The following SLC25A21 variants were observed in gnomAD, a reference collection of about 807,000 sequenced individuals.
SLC25A21 encodes the protein solute carrier family 25 member 21, also known as mitochondrial 2-oxodicarboxylate carrier.
SLC25A21 carries 47 observed loss-of-function variants against 43.8 expected under a neutral mutation model. The ratio of observed to expected loss-of-function variants is 1.07; its 90% CI spans 0.85 to 1.37. SLC25A21 has a LOEUF of 1.37. Ranked by LOEUF, SLC25A21 falls within the 40% of genes most tolerant of loss-of-function variation. The pLI is 0.00. For missense variants in SLC25A21, 352 were observed against 350.2 expected, an observed-to-expected ratio of 1.00 and a Z score of -0.04; for synonymous variants, 131 against 121.3, an observed-to-expected ratio of 1.08 and a Z score of -0.52.
chr14:36,849,380 G>C (rs1346207437), intron 2 of SLC25A21, among the ~76,000 whole-genome samples: 1 of 152,128 alleles, frequency 6.6e-6, no homozygotes, highest in African/African-American at 2.4e-5. Context: ...ATGACACCCT[G>C]ATTCAACAAA....
chr14:36,683,911 T>A, intron 8 of SLC25A21, 31 bp from the exon 9 acceptor site: 5 of 1,555,882 alleles, frequency 3.2e-6, no homozygotes, highest in Non-Finnish European at 4.4e-6. Flanking sequence ...GAAACGTTCT[T>A]ATTCTGAAAA....
chr14:36,925,744 G>A (rs1892114062), intron 1 of SLC25A21, among the ~76,000 whole-genome samples: 1 of 152,150 alleles, frequency 6.6e-6, no homozygotes, highest in Admixed American at 6.5e-5. Flanking sequence ...CTACAAGGGA[G>A]GCTGAGGCAG....
At chr14:37,079,119 C>CG (rs1962337866) in intron 1 of SLC25A21, among the ~76,000 whole-genome samples, 2 of 152,194 alleles carry the variant, frequency 1.3e-5, no homozygotes, top group Non-Finnish European at 2.9e-5. Context: ...AGGGCCCCAT[C>CG]ATAGGCCCTC....
intron 2 of SLC25A21, among the ~76,000 whole-genome samples, chr14:36,831,951 C>A (rs1889054551): frequency 1.3e-5 from 2 of 152,318 alleles, no homozygotes; most frequent in South Asian, 4.1e-4. Flanking sequence ...TCAGTGTAGT[C>A]TGTTCCAAGT....
At chr14:36,867,570 T>A (rs1404865107) in intron 2 of SLC25A21, among the ~76,000 whole-genome samples, 1 of 152,136 alleles carries the variant, frequency 6.6e-6, no homozygotes, top group Non-Finnish European at 1.5e-5. Context: ...CCCAGAAGGA[T>A]GCTCTACTTG....
rs780961992 is a variant in SLC25A21, at chr14:37,128,536, C to CTGTGTGTGTG, written c.70+43744_70+43745insCACACACACA. On this transcript the variant is annotated intron_variant, in intron 1 of 9. Coordinates refer to ENST00000331299, the MANE Select transcript of SLC25A21 (RefSeq NM_030631.4). ...TTACTTTCTGTCTCTCTCTCTCTCT[C>CTGTGTGTGTG]TCTGTGTGTGTGTGTGTGTGTGTGT... 3.5e-3 allele frequency among the ~76,000 whole-genome samples: 306 copies of CTGTGTGTGTG among 86,972 alleles called. 3 individuals are homozygous for CTGTGTGTGTG. The highest frequency in any genetic ancestry group is 0.012 in the African/African-American group (253 of 21,210). 57.1% of individuals were successfully genotyped at this position (86,972 alleles called of 152,430 possible). A position where few individuals can be genotyped will look rare whatever the true frequency, so the allele number is the denominator to read the frequency against.
At chr14:36,750,327 G>A (rs139275372) in intron 3 of SLC25A21, among the ~76,000 whole-genome samples, 37 of 152,276 alleles carry the variant, frequency 2.4e-4, no homozygotes, top group African/African-American at 8.2e-4. Flanking sequence ...CTTCCTAGGA[G>A]TTCTTATCCC....
At chr14:36,745,356 C>T (rs1885450945) in intron 3 of SLC25A21, among the ~76,000 whole-genome samples, 1 of 152,046 alleles carries the variant, frequency 6.6e-6, no homozygotes, top group African/African-American at 2.4e-5. Context: ...TGGGTATATA[C>T]CTAGGAATGG....
At chr14:37,014,504 T>A (rs1054226687) in intron 1 of SLC25A21, among the ~76,000 whole-genome samples, 1 of 152,064 alleles carries the variant, frequency 6.6e-6, no homozygotes, top group Non-Finnish European at 1.5e-5. Context: ...CACTTCTAAT[T>A]CTCGTTCTCT....
At chr14:36,722,767 T>A (rs1478538407) in intron 6 of SLC25A21, among the ~76,000 whole-genome samples, 1 of 152,202 alleles carries the variant, frequency 6.6e-6, no homozygotes, top group African/African-American at 2.4e-5. Context: ...TATACACACA[T>A]ATTTAAGAAA....
intron 1 of SLC25A21, among the ~76,000 whole-genome samples, chr14:36,952,558 C>T (rs549913869): frequency 2.0e-5 from 3 of 152,154 alleles, no homozygotes; most frequent in African/African-American, 2.4e-5. Flanking sequence ...GTAGGAGTCT[C>T]ATCCTGAGCA....
intron 1 of SLC25A21, among the ~76,000 whole-genome samples, chr14:37,019,721 TAAAA>T (rs1960943209): frequency 6.6e-6 from 1 of 151,618 alleles, no homozygotes; most frequent in Non-Finnish European, 1.5e-5. Context: ...ATTTGGGGCC[TAAAA>T]AGGGAAGTGA....
intron 7 of SLC25A21, among the ~76,000 whole-genome samples, chr14:36,700,441 C>T (rs1883229095): frequency 6.6e-6 from 1 of 152,192 alleles, no homozygotes; most frequent in South Asian, 2.1e-4. Context: ...AGATGGGCTG[C>T]TCAGAGGACT....
At chr14:37,120,958 C>T (rs1276274569) in intron 1 of SLC25A21, among the ~76,000 whole-genome samples, 1 of 152,122 alleles carries the variant, frequency 6.6e-6, no homozygotes, top group Non-Finnish European at 1.5e-5. Context: ...ATGCTATAAA[C>T]GTGAGACCAC....
chr14:37,103,185 G>A (rs10143714), intron 1 of SLC25A21, among the ~76,000 whole-genome samples: 1,875 of 152,110 alleles, frequency 0.012, 38 homozygotes, highest in African/African-American at 0.043. Context: ...ATATTTTATC[G>A]CACCTTCACT....
At chr14:36,757,351 A>G (rs1459996509) in intron 3 of SLC25A21, among the ~76,000 whole-genome samples, 3 of 152,228 alleles carry the variant, frequency 2.0e-5, no homozygotes, top group Non-Finnish European at 4.4e-5. Flanking sequence ...AAAGTTCAAC[A>G]GCTCACACAC....
chr14:36,891,441 C>T (rs568128202), intron 1 of SLC25A21, among the ~76,000 whole-genome samples: 1 of 152,212 alleles, frequency 6.6e-6, no homozygotes, highest in South Asian at 2.1e-4. Flanking sequence ...ATAAATAGAG[C>T]AAAATGTGAA....
intron 1 of SLC25A21, among the ~76,000 whole-genome samples, chr14:37,149,013 T>C (rs1318757315): frequency 6.6e-6 from 1 of 152,154 alleles, no homozygotes; most frequent in East Asian, 1.9e-4. Flanking sequence ...CAAGCAATTC[T>C]CCCCACTTTG....
intron 1 of SLC25A21, among the ~76,000 whole-genome samples, chr14:37,142,729 A>G (rs1042902437): frequency 6.6e-6 from 1 of 152,070 alleles, no homozygotes; most frequent in Non-Finnish European, 1.5e-5. Context: ...ATACACAACC[A>G]CTGAAATTAG....
Sources: gnomAD v4.1 joint callset for allele counts (sites outside exome capture counted in the v4.1 genomes callset) on GRCh38, gnomAD v4.1.1 for gene constraint, MANE v1.5 for transcripts, NCBI Gene and HGNC (gene_info 2026-07-23, HGNC 2026-07-21) for gene names.